Variants in CLVS1 observed in about 807,000 individuals in gnomAD.
CLVS1 encodes clavesin-1.
A neutral mutation model predicts 33.1 loss-of-function variants in CLVS1; 10 were observed. That is an observed-to-expected ratio of 0.30 (90% CI 0.19 to 0.51). CLVS1 has a LOEUF of 0.51. Ranked by LOEUF, CLVS1 falls within the 20% of genes least tolerant of loss-of-function variation. The pLI is 0.97. For synonymous variants in CLVS1, 163 were observed against 166.1 expected (o/e 0.98, Z 0.14); for missense variants, 343 against 433.4 (o/e 0.79, Z 1.85).
At position 61,149,564 on chromosome 8, in the gene CLVS1, AAAAACAAAAAAC is replaced by A; in HGVS notation, c.-152+17715_-152+17726del. Among the ~76,000 whole-genome samples the A allele has an allele frequency of 1.3e-5, 2 of 149,816 alleles. 1 individual carries two copies. Among genetic ancestry groups the A allele is most frequent in the African/African-American group, 4.9e-5 (2 of 40,604 alleles). ...GAGACTCTGTCTCAAAAAAAAAAAA[AAAAACAAAAAAC>A]AAAACAAAAAGAAAAAGAAAAAAGA... is the stretch of plus-strand genomic sequence containing the variant. On this transcript the variant is annotated intron_variant, in intron 2 of 2. Coordinates refer to the CLVS1 transcript ENST00000522621.
intron 2 of CLVS1, among the ~76,000 whole-genome samples, chr8:61,332,793 C>G (rs1811647540): frequency 6.6e-6 from 1 of 152,108 alleles, no homozygotes; most frequent in African/African-American, 2.4e-5. Flanking sequence ...AGGCATGCAC[C>G]ACCATGCCCG....
In CLVS1 at chr8:61,499,632, G is replaced by A. The variant is rs555859122; in HGVS notation, c.*90G>A. On this transcript the variant is annotated 3_prime_UTR_variant, in exon 6 of 6. Coordinates refer to ENST00000325897, the MANE Select transcript of CLVS1 (RefSeq NM_173519.3). Reference sequence around the variant, plus strand: ...ATGCACAACTGACCCATGCAGACACGTGTGTTCTGCTTGACACAAGGTCCT... The same window carrying A: ...ATGCACAACTGACCCATGCAGACACATGTGTTCTGCTTGACACAAGGTCCT... 4.3e-5 allele frequency: 38 copies of A among 883,626 alleles called. No individual in the cohort carries two copies. The highest frequency in any genetic ancestry group is 2.1e-4 in the African/African-American group (13 of 60,614). The allele number at this position is 883,626 out of a possible 1,614,324, so 54.7% of individuals were successfully genotyped here. A position where few individuals can be genotyped will look rare whatever the true frequency, so the allele number is the denominator to read the frequency against.
At chr8:61,221,559 T>G (rs10108900) in intron 2 of CLVS1, among the ~76,000 whole-genome samples, 41,754 of 152,118 alleles carry the variant, frequency 0.27, 6,966 homozygotes, top group East Asian at 0.7. Flanking sequence ...GGGTAAGATT[T>G]TCAATGTGCT....
chr8:61,424,772 C>T (rs1376494922), intron 3 of CLVS1, among the ~76,000 whole-genome samples: 1 of 152,034 alleles, frequency 6.6e-6, no homozygotes, highest in African/African-American at 2.4e-5. Flanking sequence ...GTTATTCTGT[C>T]AAAATATGGG....
intron 2 of CLVS1, among the ~76,000 whole-genome samples, chr8:61,185,502 C>G (rs1242522549): frequency 1.3e-5 from 2 of 151,962 alleles, no homozygotes; most frequent in Admixed American, 1.3e-4. Flanking sequence ...ACAAATGCAG[C>G]CTAATATTTT....
chr8:61,209,917 C>T (rs1202196614), intron 2 of CLVS1, among the ~76,000 whole-genome samples: 3 of 152,112 alleles, frequency 2.0e-5, no homozygotes, highest in Admixed American at 6.5e-5. Flanking sequence ...GGATGTAACT[C>T]CCATGATTTG....
chr8:61,237,966 G>T (rs1808603565), intron 2 of CLVS1, among the ~76,000 whole-genome samples: 1 of 152,134 alleles, frequency 6.6e-6, no homozygotes, highest in South Asian at 2.1e-4. Context: ...TGAATACTGA[G>T]GCATCCAAGC....
chr8:61,232,041 T>TTTTTTTTTTTGTTTTGTTTTG (rs1554548394), intron 2 of CLVS1, among the ~76,000 whole-genome samples: 2 of 116,016 alleles, frequency 1.7e-5, no homozygotes, highest in Admixed American at 1.6e-4. Context: ...TTTTTTTTTT[T>TTTTTTTTTTTGTTTTGTTTTG]TTTTTTTTTG....
chr8:61,464,684 A>C (rs1817484947), intron 5 of CLVS1: 1 of 152,226 alleles, frequency 6.6e-6, no homozygotes, highest in South Asian at 2.1e-4. Flanking sequence ...ATTCAAGACT[A>C]GCTAGCAGGA....
chr8:61,214,540 A>G (rs1473078337), intron 2 of CLVS1, among the ~76,000 whole-genome samples: 2 of 152,200 alleles, frequency 1.3e-5, no homozygotes, highest in East Asian at 3.8e-4. Flanking sequence ...GTGAAGACAC[A>G]GGGAGAAGGC....
chr8:61,211,703 C>T (rs982511085), intron 2 of CLVS1, among the ~76,000 whole-genome samples: 4 of 152,206 alleles, frequency 2.6e-5, no homozygotes, highest in African/African-American at 7.2e-5. Context: ...GCATCTTAAG[C>T]CGAGACTGGC....
At chr8:61,230,669 A>C (rs927028317) in intron 2 of CLVS1, among the ~76,000 whole-genome samples, 1 of 152,008 alleles carries the variant, frequency 6.6e-6, no homozygotes. Flanking sequence ...CCTGCTCATC[A>C]CTCAAGCTTC....
chr8:61,054,344 G>A (rs77383839), upstream of CLVS1, among the ~76,000 whole-genome samples: 3,172 of 152,278 alleles, frequency 0.021, 108 homozygotes, highest in African/African-American at 0.073. Flanking sequence ...TGACCCAAGA[G>A]GTGGCATCCT....
chr8:61,291,479 G>A (rs1362548597), intron 1 of CLVS1, among the ~76,000 whole-genome samples: 2 of 152,134 alleles, frequency 1.3e-5, no homozygotes, highest in South Asian at 4.1e-4. Context: ...CATTTACATA[G>A]CTTATTCAAT....
At chr8:61,237,114 A>G (rs1808582244) in intron 2 of CLVS1, among the ~76,000 whole-genome samples, 1 of 152,190 alleles carries the variant, frequency 6.6e-6, no homozygotes, top group African/African-American at 2.4e-5. Flanking sequence ...GGGATTTTTA[A>G]AATTAGCTGG....
chr8:61,285,594 G>A (rs2129593427), upstream of CLVS1, among the ~76,000 whole-genome samples: 1 of 152,266 alleles, frequency 6.6e-6, no homozygotes, highest in East Asian at 1.9e-4. Context: ...CCTCGCTCCT[G>A]GCACGCCCAA....
chr8:61,285,035 G>A (rs137889403), upstream of CLVS1, among the ~76,000 whole-genome samples: 259 of 152,202 alleles, frequency 1.7e-3, 5 homozygotes, highest in East Asian at 0.039. Context: ...TGGAAGTTGC[G>A]CCTCTAAGGT....
the CLVS1 span, among the ~76,000 whole-genome samples, chr8:60,972,149 A>G: frequency 1.3e-5 from 2 of 151,234 alleles, no homozygotes; most frequent in Non-Finnish European, 1.5e-5. Context: ...CTCTCTCTCT[A>G]TGCTGTCTCA....
intron 2 of CLVS1, among the ~76,000 whole-genome samples, chr8:61,139,408 G>A (rs768544077): frequency 3.9e-5 from 6 of 152,226 alleles, no homozygotes; most frequent in Non-Finnish European, 7.3e-5. Flanking sequence ...GAATGAAAAT[G>A]AGTTGTCAAT....
Sources: allele counts gnomAD v4.1 joint callset (sites outside exome capture counted in the v4.1 genomes callset), GRCh38; gene constraint gnomAD v4.1.1; transcripts MANE v1.5; gene names NCBI Gene and HGNC (gene_info 2026-07-23, HGNC 2026-07-21).